The following PDXDC1 variants were observed in gnomAD, a reference collection of about 807,000 sequenced individuals.
PDXDC1 encodes the protein pyridoxal dependent decarboxylase domain containing 1.
PDXDC1 carries 42 observed loss-of-function variants against 100.1 expected under a neutral mutation model. The observed-to-expected ratio is 0.42, with a 90% CI of 0.33 to 0.54. PDXDC1 has a LOEUF of 0.54. PDXDC1 is among the 20% of genes least tolerant of loss of function. The pLI is 0.10. For missense variants in PDXDC1, 636 were observed against 979.2 expected (o/e 0.65, Z 4.68); for synonymous variants, 260 against 371.7 (o/e 0.70, Z 3.46).
chr16:15,048,161 A>C, intron 16 of PDXDC1: 1 of 1,226,786 alleles, frequency 8.2e-7, no homozygotes, highest in East Asian at 2.4e-5. Context: ...AAAACTAAAG[A>C]TGTGGAGAGA....
In PDXDC1 at chr16:15,036,125, G is replaced by T; in HGVS notation, c.2217G>T (p.Pro739=). 1 of 1,614,152 alleles carries T rather than the reference G, an allele frequency of 6.2e-7. No homozygotes were observed. Among genetic ancestry groups the T allele is most frequent in the Non-Finnish European group, 8.5e-7 (1 of 1,180,044 alleles). The change falls in exon 23 of 23, where the codon CCG becomes CCT. Residue 739 remains proline, a synonymous_variant. Coordinates refer to ENST00000396410, the MANE Select transcript of PDXDC1 (RefSeq NM_015027.4). ...LEKVERLSSG[P]EQITLEASST... ...AGGTGGAGCGCCTATCCAGTGGGCCGGAGCAGATCACCCTCGAGGCCAGCA... is the reference window on the plus strand; with the variant it reads ...AGGTGGAGCGCCTATCCAGTGGGCCTGAGCAGATCACCCTCGAGGCCAGCA...
chr16:15,123,614 G>A, intron 16 of PDXDC1: 4 of 604,142 alleles, frequency 6.6e-6, no homozygotes, highest in Middle Eastern at 4.2e-4. Context: ...AAGCATGCAT[G>A]GTACATTTAC....
At chr16:14,982,512 ACT>A (rs1309995986) in intron 1 of PDXDC1, among the ~76,000 whole-genome samples, 8 of 152,264 alleles carry the variant, frequency 5.3e-5, no homozygotes, top group Non-Finnish European at 1.2e-4. Flanking sequence ...AGTCCCAGCT[ACT>A]CAGGAGATTG....
chr16:15,086,603 GA>G lies in PDXDC1; in HGVS notation c.1400-52271del, dbSNP rs2045924583. On this transcript the variant is annotated intron_variant, in intron 16 of 16. Coordinates refer to the PDXDC1 transcript ENST00000535621. ...GAACTCAAAACTGGGTATTAAAACA[GA>G]AAAAGATGTCACAATAAATTACTTA... 7 of 1,182,700 alleles carry G rather than the reference GA, an allele frequency of 5.9e-6. No individual in the cohort carries two copies. The South Asian group carries it at 9.5e-5, about 16-fold the overall frequency. 73.3% of individuals were successfully genotyped at this position (1,182,700 alleles called of 1,614,324 possible). A position where few individuals can be genotyped will look rare whatever the true frequency, so the allele number is the denominator to read the frequency against.
chr16:15,078,275 T>C (rs1359702847), intron 16 of PDXDC1, among the ~76,000 whole-genome samples: 2 of 152,140 alleles, frequency 1.3e-5, no homozygotes, highest in African/African-American at 4.8e-5. Flanking sequence ...ATAGCATCAA[T>C]GTTTTCCTCC....
intron 16 of PDXDC1, among the ~76,000 whole-genome samples, chr16:15,101,826 C>T (rs1287560543): frequency 6.6e-6 from 1 of 150,698 alleles, no homozygotes; most frequent in Admixed American, 6.6e-5. Context: ...TAGGCATGTG[C>T]CATCATGGCG....
intron 16 of PDXDC1, chr16:15,132,690 G>A (rs1281361074): frequency 1.7e-5 from 13 of 787,142 alleles, no homozygotes; most frequent in African/African-American, 3.4e-5. Context: ...GCAGGCATGC[G>A]GGGCGGGGTG....
chr16:15,128,304 G>A (rs748782491), intron 16 of PDXDC1: 2 of 1,610,102 alleles, frequency 1.2e-6, no homozygotes, highest in East Asian at 2.2e-5. Flanking sequence ...GGCTGTTGCG[G>A]TGGAAGGCTC....
intron 16 of PDXDC1, among the ~76,000 whole-genome samples, chr16:15,098,661 C>T (rs1225256728): frequency 6.6e-6 from 1 of 151,694 alleles, no homozygotes; most frequent in Admixed American, 6.6e-5. Context: ...GGTGGATCAC[C>T]TGAGGTCGGG....
Position 15,083,196 on chromosome 16 carries a change from C to T in PDXDC1, c.1399+53140C>T, listed in dbSNP as rs143705519. Among the ~76,000 whole-genome samples, 904 of 152,194 alleles carry T rather than the reference C, an allele frequency of 5.9e-3. 13 individuals carry two copies. Among genetic ancestry groups the T allele is most frequent in the Middle Eastern group, 0.014 (4 of 292 alleles). ...CAGGCAGATCACAAGGTCAGGCGTT[C>T]GATACCAGTGTGGCCAATATGGTGA... On this transcript the variant is annotated intron_variant, in intron 16 of 16. Transcript: ENST00000535621.
intron 16 of PDXDC1, chr16:15,048,240 A>G (rs2044155435): frequency 1.6e-6 from 1 of 620,470 alleles, no homozygotes; most frequent in African/African-American, 1.8e-5. Context: ...GAGAGGCTCA[A>G]AGAAAAAGGC....
intron 16 of PDXDC1, among the ~76,000 whole-genome samples, chr16:15,091,829 A>T (rs2046140588): frequency 6.6e-6 from 1 of 152,184 alleles, no homozygotes; most frequent in African/African-American, 2.4e-5. Context: ...AAAAATCCCT[A>T]CTCAGAGAAC....
chr16:15,144,449 G>A, the PDXDC1 span, among the ~76,000 whole-genome samples: 1 of 152,168 alleles, frequency 6.6e-6, no homozygotes, highest in African/African-American at 2.4e-5. Context: ...CCACTTCCAT[G>A]GGGAGGGCCA....
intron 13 of PDXDC1, 77 bp from the exon 14 acceptor site, chr16:15,026,566 T>G: frequency 4.0e-6 from 5 of 1,251,368 alleles, no homozygotes; most frequent in Non-Finnish European, 4.6e-6. Context: ...CTAAGCGAGT[T>G]TTTGAACTCA....
At chr16:15,052,377 C>G (rs1228820362) in intron 16 of PDXDC1, among the ~76,000 whole-genome samples, 1 of 152,182 alleles carries the variant, frequency 6.6e-6, no homozygotes, top group African/African-American at 2.4e-5. Flanking sequence ...GGGTCCGGCC[C>G]ATGAGCTGTG....
chr16:15,028,123 C>T (rs374275851), intron 14 of PDXDC1, among the ~76,000 whole-genome samples: 28 of 152,410 alleles, frequency 1.8e-4, no homozygotes, highest in East Asian at 1.7e-3. Context: ...GCCCCGAATT[C>T]GCTTCTGCCT....
chr16:14,990,081 C>T (rs1307967425), intron 1 of PDXDC1: 1 of 1,493,562 alleles, frequency 6.7e-7, no homozygotes, highest in Non-Finnish European at 8.8e-7. Flanking sequence ...CAGTAGGAGG[C>T]CAAGCAGGCA....
chr16:14,999,839 C>T (rs1247049521), intron 3 of PDXDC1, among the ~76,000 whole-genome samples: 1 of 152,246 alleles, frequency 6.6e-6, no homozygotes, highest in Non-Finnish European at 1.5e-5. Flanking sequence ...CCCAGCCCAG[C>T]TTCCCTGAGA....
At chr16:15,063,401 T>C in intron 16 of PDXDC1, 2 of 792,910 alleles carry the variant, frequency 2.5e-6, no homozygotes. Flanking sequence ...AACTACAGCT[T>C]AAATAATTAC....
Sources: gnomAD v4.1 joint callset for allele counts (sites outside exome capture counted in the v4.1 genomes callset) on GRCh38, gnomAD v4.1.1 for gene constraint, MANE v1.5 for transcripts, NCBI Gene and HGNC (gene_info 2026-07-23, HGNC 2026-07-21) for gene names.